The following TRMT44 variants were observed in gnomAD, a reference collection of about 807,000 sequenced individuals.
The protein encoded by TRMT44 is tRNA methyltransferase 44 homolog, also known as probable tRNA (uracil-O(2)-)-methyltransferase.
In TRMT44, 78 loss-of-function variants were observed where a neutral mutation model predicts 77.3. The observed-to-expected ratio is 1.01, with a 90% CI of 0.84 to 1.22. TRMT44 has a LOEUF of 1.22. TRMT44 is among the 50% of genes most tolerant of loss of function. The pLI is 0.00. For missense variants in TRMT44, 1,090 were observed against 964.4 expected, an observed-to-expected ratio of 1.13 and a Z score of -1.73; for synonymous variants, 391 against 383.3, an observed-to-expected ratio of 1.02 and a Z score of -0.23.
At chr4:8,480,570 C>T (rs933808031), downstream of TRMT44, among the ~76,000 whole-genome samples, 2 of 152,220 alleles carry the variant, frequency 1.3e-5, no homozygotes, top group Admixed American at 1.3e-4. Flanking sequence ...AGCCCACTTA[C>T]CCAATTCCTG....
intron 6 of TRMT44, 48 bp from the exon 7 acceptor site, chr4:8,463,937 T>G: frequency 6.5e-7 from 1 of 1,526,840 alleles, no homozygotes; most frequent in Non-Finnish European, 9.1e-7. Flanking sequence ...ACGCAGTAGC[T>G]CTACAATGAT....
rs373670199 is a variant in TRMT44, at chr4:8,468,001, C to T, written c.1582C>T (p.Arg528Trp). 3.6e-4 allele frequency: 582 copies of T among 1,614,070 alleles called. 1 individual carries two copies. Among genetic ancestry groups the T allele is most frequent in the Non-Finnish European group, 4.8e-4 (561 of 1,180,036 alleles). The change falls in exon 9 of 11, where the codon CGG (arginine) becomes TGG (tryptophan). Residue 528 changes from arginine (R) to tryptophan (W), a missense_variant. Coordinates refer to ENST00000389737, the MANE Select transcript of TRMT44 (RefSeq NM_152544.3). ...GAGGACTCAGTACATTAAGAGCAGG[C>T]GGGGCTGCCCTGTAAGCCCACCTGG... ...EKRTQYIKSR[R>W]GCPVSPPGWE...
intron 6 of TRMT44, among the ~76,000 whole-genome samples, chr4:8,457,136 A>G (rs979425773): frequency 6.6e-6 from 1 of 152,114 alleles, no homozygotes; most frequent in African/African-American, 2.4e-5. Context: ...TATTCTGGAA[A>G]AAATGCCAAA....
rs1244351811 is a variant in TRMT44 at position 8,453,147 on chromosome 4, TAAAC to T, written c.1131+164_1131+167del. Among the ~76,000 whole-genome samples, 14 of 152,340 alleles carry T rather than the reference TAAAC, an allele frequency of 9.2e-5. No homozygotes were observed. In the South Asian group the frequency reaches 2.7e-3, roughly 29 times the overall value. ...GACTTATAAATTTCTGTTAATCTGATAAACAAACAGCTCCTAAAACAAGGGAAAC... is the reference window on the plus strand; with the variant it reads ...GACTTATAAATTTCTGTTAATCTGATAAACAGCTCCTAAAACAAGGGAAAC... On this transcript the variant is annotated intron_variant, in intron 5 of 10. Coordinates refer to ENST00000389737, the MANE Select transcript of TRMT44 (RefSeq NM_152544.3).
chr4:8,462,533 C>G (rs575293234), intron 6 of TRMT44, among the ~76,000 whole-genome samples: 10 of 152,126 alleles, frequency 6.6e-5, no homozygotes, highest in African/African-American at 2.4e-4. Context: ...GGTGAAACCC[C>G]ATCTCTACTA....
chr4:8,466,980 C>G (rs904449601), intron 8 of TRMT44, among the ~76,000 whole-genome samples: 1 of 152,226 alleles, frequency 6.6e-6, no homozygotes, highest in South Asian at 2.1e-4. Context: ...TCACCCGCGC[C>G]TGGCCTTGTA....
intron 3 of TRMT44, among the ~76,000 whole-genome samples, chr4:8,450,624 C>A (rs527783822): frequency 6.6e-6 from 1 of 152,052 alleles, no homozygotes; most frequent in African/African-American, 2.4e-5. Flanking sequence ...ATCTGTGTTG[C>A]GGGAAGTCAG....
At position 8,452,377 on chromosome 4, in the gene TRMT44, G is replaced by A. The variant is rs539256851; in HGVS notation, c.1023+349G>A. On this transcript the variant is annotated intron_variant, in intron 4 of 10. Coordinates refer to ENST00000389737, the MANE Select transcript of TRMT44 (RefSeq NM_152544.3). This position sits in a 1 kb window ranked among gnomAD's most constrained non-coding sequence, Gnocchi z 5.7. Reference sequence around the variant, plus strand: ...TTCTAGCCCTTTCCTCAGCTGGCTCGCTAGCTGGCTACATTTGGACATGCC... The same window carrying A: ...TTCTAGCCCTTTCCTCAGCTGGCTCACTAGCTGGCTACATTTGGACATGCC... 5.1e-4 allele frequency among the ~76,000 whole-genome samples: 77 copies of A among 152,304 alleles called. No homozygotes were observed. Among genetic ancestry groups the A allele is most frequent in the Non-Finnish European group, 1.0e-3 (68 of 68,032 alleles).
chr4:8,511,661 A>G, the TRMT44 span, among the ~76,000 whole-genome samples: 1 of 152,210 alleles, frequency 6.6e-6, no homozygotes, highest in Non-Finnish European at 1.5e-5. Flanking sequence ...CAAGGCTTCT[A>G]AAAGCACATT....
chr4:8,446,428 C>A lies in TRMT44; in HGVS notation c.620-48C>A. 1.7e-6 allele frequency: 2 copies of A among 1,205,594 alleles called. No individual in the cohort carries two copies. Among genetic ancestry groups the A allele is most frequent in the Non-Finnish European group, 1.2e-6 (1 of 847,906 alleles). The allele number at this position is 1,205,594 out of a possible 1,614,324, so 74.7% of individuals were successfully genotyped here. On this transcript the variant is annotated intron_variant, in intron 1 of 10. Coordinates refer to ENST00000389737, the MANE Select transcript of TRMT44 (RefSeq NM_152544.3). This position sits in a 1 kb window ranked among gnomAD's most constrained non-coding sequence, Gnocchi z 4.3. ...ATTTTTAATACTGCTTCTGATGAGA[C>A]GGTAGCTAGGCAGTTGTAATTTGTC...
chr4:8,441,634 G>A (rs1724709311), intron 1 of TRMT44, among the ~76,000 whole-genome samples, 193 bp downstream of exon 1: 1 of 152,158 alleles, frequency 6.6e-6, no homozygotes, highest in South Asian at 2.1e-4. Context: ...AATTGATTGG[G>A]GTGGTGTCTG....
rs192829097 is a variant in TRMT44, at chr4:8,463,946, A to C, written c.1204-39A>C. 17 of 1,567,716 alleles carry C rather than the reference A, an allele frequency of 1.1e-5. No homozygotes were observed. In the African/African-American group the frequency reaches 2.2e-4, roughly 20 times the overall value. ...CTGCCCACGCAGTAGCTCTACAATG[A>C]TTCACAAAACATTTCGTCTTGTTTT... is the stretch of plus-strand genomic sequence containing the variant. On this transcript the variant is annotated intron_variant, in intron 6 of 10. Coordinates refer to ENST00000389737, the MANE Select transcript of TRMT44 (RefSeq NM_152544.3).
intron 8 of TRMT44, among the ~76,000 whole-genome samples, chr4:8,466,880 G>A (rs948420720): frequency 6.6e-6 from 1 of 152,198 alleles, no homozygotes; most frequent in African/African-American, 2.4e-5. Flanking sequence ...GGGACTGGGT[G>A]TGTGACAGGC....
At chr4:8,501,479 T>C in the TRMT44 span, among the ~76,000 whole-genome samples, 112,001 of 152,070 alleles carry the variant, frequency 0.74, 41,925 homozygotes, top group African/African-American at 0.86. This position sits in a 1 kb window ranked among gnomAD's most constrained non-coding sequence, Gnocchi z 4.4. Flanking sequence ...CTGGGAAAAA[T>C]GGGGATGAGG....
chr4:8,442,784 A>T (rs530616222), intron 1 of TRMT44, among the ~76,000 whole-genome samples: 7 of 152,138 alleles, frequency 4.6e-5, no homozygotes, highest in African/African-American at 1.4e-4. Context: ...AGAGCCAGCA[A>T]TGGGGTTGAA....
intron 10 of TRMT44, among the ~76,000 whole-genome samples, chr4:8,472,494 C>A (rs1020872057): frequency 6.6e-6 from 1 of 152,230 alleles, no homozygotes; most frequent in Non-Finnish European, 1.5e-5. Context: ...AGTACAGTGT[C>A]TGGCTCTCTG....
At chr4:8,472,338 G>A (rs1182921611) in intron 10 of TRMT44, among the ~76,000 whole-genome samples, 1 of 152,194 alleles carries the variant, frequency 6.6e-6, no homozygotes, top group African/African-American at 2.4e-5. Flanking sequence ...GTGGGAGCTG[G>A]TCGGGTTACA....
At chr4:8,475,681 C>T (rs1186495911) in intron 10 of TRMT44, 91 bp from the exon 11 acceptor site, 9 of 1,221,646 alleles carry the variant, frequency 7.4e-6, no homozygotes, top group African/African-American at 1.5e-5. Context: ...TGGATTGGCA[C>T]CTCCCGTGGC....
chr4:8,504,125 G>A, the TRMT44 span, among the ~76,000 whole-genome samples: 6 of 149,538 alleles, frequency 4.0e-5, no homozygotes, highest in African/African-American at 1.5e-4. The surrounding 1 kb of genome is among the most constrained non-coding windows in gnomAD (Gnocchi z 5.3). Context: ...CTCAGGGCGG[G>A]GCAGGGGCTG....
Sources: gnomAD v4.1 joint callset for allele counts (sites outside exome capture counted in the v4.1 genomes callset) on GRCh38, gnomAD v4.1.1 for gene constraint, Gnocchi (gnomAD v3.1) non-coding constraint, MANE v1.5 for transcripts, NCBI Gene and HGNC (gene_info 2026-07-23, HGNC 2026-07-21) for gene names.